The following MASP1 variants were observed in gnomAD, a reference collection of about 807,000 sequenced individuals.
The protein encoded by MASP1 is MBL associated serine protease 1.
In MASP1, 59 loss-of-function variants were observed where a neutral mutation model predicts 77.1. That is an observed-to-expected ratio of 0.77 (90% CI 0.62 to 0.95). The LOEUF is 0.95. MASP1 is among the 40% of genes least tolerant of loss of function. The probability of loss-of-function intolerance (pLI) is 0.00; values close to 1 mark genes in which losing one functional copy is unlikely to be tolerated. For synonymous variants in MASP1, 362 were observed against 354.5 expected, an observed-to-expected ratio of 1.02 and a Z score of -0.24; for missense variants, 885 against 912.9, an observed-to-expected ratio of 0.97 and a Z score of 0.39.
At chr3:187,241,056 A>G (rs1163425992) in intron 10 of MASP1, among the ~76,000 whole-genome samples, 1 of 152,226 alleles carries the variant, frequency 6.6e-6, no homozygotes, top group Non-Finnish European at 1.5e-5. Flanking sequence ...GGGAATCGGA[A>G]AGGCTTGACT....
At chr3:187,246,814 C>T (rs1176640011) in intron 8 of MASP1, 1 of 989,314 alleles carries the variant, frequency 1.0e-6, no homozygotes, top group African/African-American at 1.7e-5. Flanking sequence ...AGAAAACATT[C>T]AGATTCTCAA....
rs28677148 is a variant in MASP1 at position 187,254,386 on chromosome 3, G to A, written c.745-1071C>T. On this transcript the variant is annotated intron_variant, in intron 5 of 10. Coordinates refer to ENST00000296280, the MANE Select transcript of MASP1 (RefSeq NM_139125.4). Reference sequence around the variant, plus strand: ...TGAGTATGAGCCTATTTGAAGAGAAGGGAAGAACACTTTATAGGGAGAGAA... The same window carrying A: ...TGAGTATGAGCCTATTTGAAGAGAAAGGAAGAACACTTTATAGGGAGAGAA... Among the ~76,000 whole-genome samples the A allele has an allele frequency of 6.6e-3, 1,004 of 152,148 alleles. 15 individuals are homozygous for A. Among genetic ancestry groups the A allele is most frequent in the African/African-American group, 0.023 (970 of 41,500 alleles).
In MASP1 at chr3:187,236,546, G is replaced by T; in HGVS notation, c.1325C>A (p.Ser442Tyr). The T allele has an allele frequency of 6.2e-7, 1 of 1,613,996 alleles. No individual in the cohort carries two copies. The highest frequency in any genetic ancestry group is 8.5e-7 in the Non-Finnish European group (1 of 1,179,956). Residue 442 changes from serine to tyrosine, a missense_variant, in exon 11 of 11, where the codon TCC becomes TAC. Ser to Tyr is a moderately radical substitution (Grantham distance 144). Coordinates refer to ENST00000296280, the MANE Select transcript of MASP1 (RefSeq NM_139125.4). ...GATCCTCTTGACCAGGCTTGGCAGGGAGCGGGAGGGCTGACCACACTCTGT... is the reference window on the plus strand; with the variant it reads ...GATCCTCTTGACCAGGCTTGGCAGGTAGCGGGAGGGCTGACCACACTCTGT... ...CLPECGQPSR[S>Y]LPSLVKRIIG...
At position 187,260,309 on chromosome 3, in the gene MASP1, TCTTTG is replaced by T. The variant is rs574611058; in HGVS notation, c.547+427_547+431del. 5.9e-5 allele frequency among the ~76,000 whole-genome samples: 9 copies of T among 152,316 alleles called. No homozygotes were observed. In the South Asian group the frequency reaches 1.7e-3, roughly 28 times the overall value. On this transcript the variant is annotated intron_variant, in intron 4 of 10. Transcript: ENST00000296280. Reference sequence around the variant, plus strand: ...CTGTTTGCCTCTTTCCTCTCTCACTTCTTTGCTTTGGACTGAGGTCTCTCTATTGT... The same window carrying T: ...CTGTTTGCCTCTTTCCTCTCTCACTTCTTTGGACTGAGGTCTCTCTATTGT...
chr3:187,228,840 C>T (rs1234999493), intron 11 of MASP1, among the ~76,000 whole-genome samples: 1 of 152,190 alleles, frequency 6.6e-6, no homozygotes, highest in Non-Finnish European at 1.5e-5. Flanking sequence ...AAATTCCTTG[C>T]AGAGTAGGGA....
intron 1 of MASP1, among the ~76,000 whole-genome samples, chr3:187,288,405 G>A (rs1184392546): frequency 6.6e-6 from 1 of 152,148 alleles, no homozygotes; most frequent in Non-Finnish European, 1.5e-5. Flanking sequence ...GGAGGGGAGG[G>A]CACTGGCCCT....
intron 4 of MASP1, among the ~76,000 whole-genome samples, chr3:187,259,232 G>C (rs1249044945): frequency 6.6e-6 from 1 of 152,070 alleles, no homozygotes. Context: ...ATTTGCAAAT[G>C]AGAAAACTGT....
chr3:187,284,224 C>T (rs908538731), intron 2 of MASP1, among the ~76,000 whole-genome samples: 1 of 152,056 alleles, frequency 6.6e-6, no homozygotes, highest in Non-Finnish European at 1.5e-5. Context: ...TTTAAGGGAC[C>T]AGATCTTTTG....
intron 8 of MASP1, chr3:187,244,201 G>A (rs1312074909): frequency 6.2e-6 from 1 of 161,208 alleles, no homozygotes; most frequent in Non-Finnish European, 1.4e-5. Context: ...TAGAAGCCAG[G>A]AGGCAGGGTT....
intron 8 of MASP1, among the ~76,000 whole-genome samples, chr3:187,245,202 T>C (rs1216479419): frequency 6.6e-6 from 1 of 152,250 alleles, no homozygotes; most frequent in African/African-American, 2.4e-5. Flanking sequence ...ATAATATTTA[T>C]TATTTAAATA....
chr3:187,217,514 T>A (rs868518789), exon 16 of MASP1: 1 of 152,230 alleles, frequency 6.6e-6, no homozygotes, highest in Admixed American at 6.5e-5. Flanking sequence ...CTTATTTTTT[T>A]AAATTAATAT....
rs78545137 is a variant in MASP1, at chr3:187,266,183, C to T, written c.238-3463G>A. Among the ~76,000 whole-genome samples the T allele has an allele frequency of 1.4e-3, 214 of 152,300 alleles. 1 individual carries two copies. Among genetic ancestry groups the T allele is most frequent in the African/African-American group, 5.1e-3 (210 of 41,566 alleles). ...TTGTGGGCGACTATGTCCTTAGAGA[C>T]TATTGTTATTTAGGACACCAACATG... On this transcript the variant is annotated intron_variant, in intron 2 of 10. Coordinates refer to ENST00000296280, the MANE Select transcript of MASP1 (RefSeq NM_139125.4).
chr3:187,221,556 T>G (rs997960243), intron 14 of MASP1, among the ~76,000 whole-genome samples: 6 of 152,220 alleles, frequency 3.9e-5, no homozygotes, highest in African/African-American at 1.4e-4. Flanking sequence ...TCTGAGACCC[T>G]TTTTCCTCAT....
At chr3:187,282,789 C>T (rs1414772150) in intron 2 of MASP1, among the ~76,000 whole-genome samples, 1 of 152,206 alleles carries the variant, frequency 6.6e-6, no homozygotes, top group Non-Finnish European at 1.5e-5. Flanking sequence ...TTAGGGTGGC[C>T]TTCTGGAAGA....
At chr3:187,254,788 C>T (rs1361006187) in intron 5 of MASP1, among the ~76,000 whole-genome samples, 1 of 152,134 alleles carries the variant, frequency 6.6e-6, no homozygotes, top group African/African-American at 2.4e-5. Context: ...CCGGATTCCC[C>T]ACCTCTCAGT....
intron 8 of MASP1, chr3:187,246,701 A>T: frequency 1.0e-6 from 1 of 988,136 alleles, no homozygotes; most frequent in Non-Finnish European, 1.2e-6. Context: ...TAATCAGCGA[A>T]TTTTAAGAAA....
rs540593989 is a variant in MASP1 at position 187,224,044 on chromosome 3, T to C, written c.1742-850A>G. On this transcript the variant is annotated intron_variant, in intron 13 of 15. Transcript: ENST00000337774. ...GTCAAAGCCAGCTACACCTGTGCCTTTCCTGTTGGCTCAGTTCCCCTAAAT... is the reference window on the plus strand; with the variant it reads ...GTCAAAGCCAGCTACACCTGTGCCTCTCCTGTTGGCTCAGTTCCCCTAAAT... 9.8e-5 allele frequency among the ~76,000 whole-genome samples: 15 copies of C among 152,340 alleles called. No individual in the cohort carries two copies. The South Asian group carries it at 2.9e-3, about 29-fold the overall frequency.
chr3:187,250,711 TG>T (rs2108539030), intron 7 of MASP1, among the ~76,000 whole-genome samples: 1 of 152,304 alleles, frequency 6.6e-6, no homozygotes, highest in African/African-American at 2.4e-5. Flanking sequence ...TCAGTGAGGC[TG>T]GCCTACCCAA....
chr3:187,236,281 C>T lies in MASP1; in HGVS notation c.1590G>A (p.Gly530=). Residue 530 remains glycine (G), a synonymous_variant, in exon 11 of 11, where the codon GGG becomes GGA. Transcript: ENST00000296280. ...LGLHDVRDKS[G]AVNSSAARVV... ...CTCGGGCAGCTGAGCTGTTGACTGCCCCCGATTTGTCTCGCACATCATGCA... is the reference window on the plus strand; with the variant it reads ...CTCGGGCAGCTGAGCTGTTGACTGCTCCCGATTTGTCTCGCACATCATGCA... 6.2e-7 allele frequency: 1 copy of T among 1,614,212 alleles called. No homozygotes were observed. Among genetic ancestry groups the T allele is most frequent in the Non-Finnish European group, 8.5e-7 (1 of 1,180,038 alleles).
Sources: allele counts gnomAD v4.1 joint callset (sites outside exome capture counted in the v4.1 genomes callset), GRCh38; gene constraint gnomAD v4.1.1; transcripts MANE v1.5; gene names NCBI Gene and HGNC (gene_info 2026-07-23, HGNC 2026-07-21).